Variants in GTF2IRD1 observed in about 807,000 individuals in gnomAD.
GTF2IRD1 encodes the protein general transcription factor II-I repeat domain-containing protein 1.
In GTF2IRD1, 26 loss-of-function variants were observed where a neutral mutation model predicts 113.2. The ratio of observed to expected loss-of-function variants is 0.23; its 90% CI spans 0.17 to 0.32. The LOEUF is 0.32. Among genes scored for constraint, GTF2IRD1 ranks in the 10% least tolerant of loss-of-function variants. The pLI, the probability that GTF2IRD1 is intolerant of heterozygous loss-of-function variation, is 1.00. For missense variants in GTF2IRD1, 864 were observed against 1,280.8 expected (o/e 0.67, Z 4.97); for synonymous variants, 484 against 529.1 (o/e 0.91, Z 1.17).
intron 22 of GTF2IRD1, among the ~76,000 whole-genome samples, chr7:74,585,883 C>G (rs62475387): frequency 6.7e-6 from 1 of 149,544 alleles, no homozygotes; most frequent in Non-Finnish European, 1.5e-5. Flanking sequence ...CAAGACTCTT[C>G]CAAAAAAAAA....
intron 9 of GTF2IRD1, among the ~76,000 whole-genome samples, chr7:74,530,648 C>CG (rs1797913310): frequency 6.7e-6 from 1 of 150,272 alleles, no homozygotes; most frequent in Admixed American, 6.6e-5. Context: ...GATGGCCCCC[C>CG]CGACCCAAGT....
intron 22 of GTF2IRD1, among the ~76,000 whole-genome samples, chr7:74,584,850 G>A (rs1431730835): frequency 6.6e-6 from 1 of 152,128 alleles, no homozygotes; most frequent in African/African-American, 2.4e-5. Flanking sequence ...CCCCCAGGCT[G>A]GAGTACGATG....
chr7:74,567,396 A>G (rs1157306004), intron 22 of GTF2IRD1, among the ~76,000 whole-genome samples: 1 of 151,992 alleles, frequency 6.6e-6, no homozygotes, highest in Non-Finnish European at 1.5e-5. Context: ...GGAGAAACTT[A>G]CTGAAGGGGG....
chr7:74,541,226 C>T (rs1798618917), intron 14 of GTF2IRD1, among the ~76,000 whole-genome samples: 1 of 151,984 alleles, frequency 6.6e-6, no homozygotes, highest in Non-Finnish European at 1.5e-5. Flanking sequence ...TGAGGTGGCT[C>T]ACGCCTGTAA....
At chr7:74,501,260 G>A (rs1205142302) in intron 1 of GTF2IRD1, among the ~76,000 whole-genome samples, 1 of 152,208 alleles carries the variant, frequency 6.6e-6, no homozygotes, top group Non-Finnish European at 1.5e-5. Flanking sequence ...CACGGGGGAA[G>A]GGGCTTGAAG....
rs561524915 is a variant in GTF2IRD1, at chr7:74,471,683, A to C, written c.-7+17507A>C. ...CTTTTTGAAATATTTAAAAAAAAAA[A>C]AAAAAACAAAAAAAAAAACAAAAAA... On this transcript the variant is annotated intron_variant, in intron 1 of 26. Transcript: ENST00000424337. Among the ~76,000 whole-genome samples the C allele has an allele frequency of 2.0e-3, 145 of 71,166 alleles. 2 individuals carry two copies. The highest frequency in any genetic ancestry group is 5.2e-3 in the African/African-American group (95 of 18,422). The allele number at this position is 71,166 out of a possible 152,430, so 46.7% of individuals were successfully genotyped here.
intron 1 of GTF2IRD1, among the ~76,000 whole-genome samples, chr7:74,463,060 C>T (rs1452620068): frequency 6.6e-6 from 1 of 152,148 alleles, no homozygotes; most frequent in Non-Finnish European, 1.5e-5. Context: ...GTCTTCACTC[C>T]TGCAGCTGTT....
intron 17 of GTF2IRD1, among the ~76,000 whole-genome samples, chr7:74,550,442 G>A (rs1396514725): frequency 6.6e-6 from 1 of 150,530 alleles, no homozygotes; most frequent in Admixed American, 6.6e-5. Flanking sequence ...AAAAAAATTA[G>A]CCAGGCTTGG....
chr7:74,500,133 T>C (rs1795943716), intron 1 of GTF2IRD1, among the ~76,000 whole-genome samples: 1 of 152,162 alleles, frequency 6.6e-6, no homozygotes, highest in Non-Finnish European at 1.5e-5. Flanking sequence ...GGCTTGGGCT[T>C]GGGCTGAGCT....
chr7:74,574,891 C>A (rs1554363974), intron 22 of GTF2IRD1, among the ~76,000 whole-genome samples: 2 of 151,726 alleles, frequency 1.3e-5, no homozygotes, highest in Non-Finnish European at 1.5e-5. Flanking sequence ...GAGTTTGAGA[C>A]CAGCCTGGCT....
At chr7:74,483,083 G>A (rs1794833063) in intron 1 of GTF2IRD1, among the ~76,000 whole-genome samples, 1 of 152,216 alleles carries the variant, frequency 6.6e-6, no homozygotes, top group Non-Finnish European at 1.5e-5. Flanking sequence ...TGGGTTGGGT[G>A]TGCAGAGATC....
intron 25 of GTF2IRD1, among the ~76,000 whole-genome samples, chr7:74,595,265 G>A (rs1802338069): frequency 6.6e-6 from 1 of 151,914 alleles, no homozygotes; most frequent in Non-Finnish European, 1.5e-5. Context: ...AATTAGCTGG[G>A]CGTGGTCGTG....
chr7:74,478,836 C>T (rs1045581099), intron 1 of GTF2IRD1, among the ~76,000 whole-genome samples: 8 of 151,886 alleles, frequency 5.3e-5, no homozygotes, highest in African/African-American at 1.7e-4. Flanking sequence ...ACCTCTGCCT[C>T]CTGGGCCCAA....
chr7:74,510,442 G>A (rs1796558245), intron 2 of GTF2IRD1, among the ~76,000 whole-genome samples: 2 of 151,708 alleles, frequency 1.3e-5, no homozygotes, highest in Admixed American at 1.3e-4. Flanking sequence ...GAGTAGCTGG[G>A]ATTACAGGTG....
intron 21 of GTF2IRD1, 98 bp downstream of exon 21, chr7:74,559,142 C>T: frequency 3.5e-6 from 4 of 1,156,958 alleles, no homozygotes; most frequent in Non-Finnish European, 3.7e-6. Flanking sequence ...CTGCCCTCCC[C>T]CCTGGACAAG....
At chr7:74,593,674 A>C (rs1476849657) in intron 24 of GTF2IRD1, among the ~76,000 whole-genome samples, 2 of 149,882 alleles carry the variant, frequency 1.3e-5, no homozygotes, top group Non-Finnish European at 1.5e-5. Flanking sequence ...CGGAGCTTGC[A>C]GTGAGCCAAG....
At chr7:74,478,831 T>C (rs1366464201) in intron 1 of GTF2IRD1, among the ~76,000 whole-genome samples, 1 of 150,334 alleles carries the variant, frequency 6.7e-6, no homozygotes, top group East Asian at 2.0e-4. Context: ...CTGCAACCTC[T>C]GCCTCCTGGG....
intron 1 of GTF2IRD1, among the ~76,000 whole-genome samples, chr7:74,472,081 G>A (rs780232840): frequency 1.0e-3 from 159 of 152,304 alleles, no homozygotes; most frequent in South Asian, 2.7e-3. Context: ...TTACACTCCA[G>A]GTAAAAAGGG....
At chr7:74,600,987 G>A (rs1802725307) in intron 25 of GTF2IRD1, 57 bp from the exon 26 acceptor site, 1 of 1,592,384 alleles carries the variant, frequency 6.3e-7, no homozygotes, top group South Asian at 1.1e-5. Flanking sequence ...GAGCTCAGGA[G>A]GCTGAGACAG....
Sources: gnomAD v4.1 joint callset for allele counts (sites outside exome capture counted in the v4.1 genomes callset) on GRCh38, gnomAD v4.1.1 for gene constraint, MANE v1.5 for transcripts, NCBI Gene and HGNC (gene_info 2026-07-23, HGNC 2026-07-21) for gene names.